Variants in ROBO2 observed in about 807,000 individuals in gnomAD.
The protein encoded by ROBO2 is roundabout guidance receptor 2.
A neutral mutation model predicts 160.8 loss-of-function variants in ROBO2; 53 were observed. The ratio of observed to expected loss-of-function variants is 0.33; its 90% CI spans 0.26 to 0.41. ROBO2 has a LOEUF of 0.41. Ranked by LOEUF, ROBO2 falls within the 10% of genes least tolerant of loss-of-function variation. ROBO2 has a pLI of 1.00. For synonymous variants in ROBO2, 664 were observed against 611.7 expected, an observed-to-expected ratio of 1.09 and a Z score of -1.26; for missense variants, 1,577 against 1,722.4, an observed-to-expected ratio of 0.92 and a Z score of 1.49.
chr3:77,314,691 A>T (rs146672805), intron 2 of ROBO2, among the ~76,000 whole-genome samples: 234 of 152,290 alleles, frequency 1.5e-3, no homozygotes, highest in African/African-American at 5.4e-3. Flanking sequence ...GTTAAAAAAT[A>T]TATCATCTAT....
At chr3:76,058,166 C>T (rs888213261) in intron 2 of ROBO2, among the ~76,000 whole-genome samples, 2 of 151,914 alleles carry the variant, frequency 1.3e-5, no homozygotes, top group Non-Finnish European at 2.9e-5. Context: ...AGGTTTGTTA[C>T]GTAGGTATAC....
chr3:77,322,812 A>G (rs1350305149), intron 2 of ROBO2, among the ~76,000 whole-genome samples: 14 of 130,176 alleles, frequency 1.1e-4, no homozygotes, highest in Admixed American at 6.4e-4. Context: ...ATTATATTAT[A>G]CATATGTATT....
intron 2 of ROBO2, among the ~76,000 whole-genome samples, chr3:76,734,946 T>C (rs2093685967): frequency 6.6e-6 from 1 of 152,170 alleles, no homozygotes; most frequent in Non-Finnish European, 1.5e-5. Flanking sequence ...GTAATGCAAA[T>C]AAAAATTCCT....
intron 2 of ROBO2, among the ~76,000 whole-genome samples, chr3:76,980,670 T>C (rs1361849276): frequency 1.3e-5 from 2 of 151,954 alleles, no homozygotes; most frequent in South Asian, 2.1e-4. Flanking sequence ...CTTTTCTTGC[T>C]TTTTTTTGGT....
chr3:77,275,394 A>T (rs1195489395), intron 2 of ROBO2, among the ~76,000 whole-genome samples: 1 of 152,204 alleles, frequency 6.6e-6, no homozygotes, highest in Non-Finnish European at 1.5e-5. Context: ...ATCCCTGATA[A>T]ACTTGAGTGT....
chr3:75,952,896 T>G (rs1948599791), intron 2 of ROBO2, among the ~76,000 whole-genome samples: 1 of 151,972 alleles, frequency 6.6e-6, no homozygotes, highest in Admixed American at 6.6e-5. Flanking sequence ...TCACATGGTA[T>G]GTAGACTTTT....
intron 2 of ROBO2, among the ~76,000 whole-genome samples, chr3:76,811,080 A>G (rs1343022803): frequency 6.6e-6 from 1 of 152,188 alleles, no homozygotes; most frequent in African/African-American, 2.4e-5. Flanking sequence ...TAATAAGCAG[A>G]CATCAATTTT....
At chr3:77,170,219 C>T (rs1328038456) in intron 2 of ROBO2, among the ~76,000 whole-genome samples, 8 of 152,064 alleles carry the variant, frequency 5.3e-5, no homozygotes, top group African/African-American at 1.9e-4. Flanking sequence ...TAAATCATTA[C>T]CAGTATGGCC....
chr3:77,470,225 C>T (rs1385842844), intron 2 of ROBO2, among the ~76,000 whole-genome samples: 1 of 151,936 alleles, frequency 6.6e-6, no homozygotes, highest in Non-Finnish European at 1.5e-5. Flanking sequence ...ATCTTAAGAG[C>T]CATTAAAAAG....
chr3:75,911,576 G>A (rs1394761120), intron 1 of ROBO2, among the ~76,000 whole-genome samples: 1 of 7,352 alleles, frequency 1.4e-4, no homozygotes, highest in Non-Finnish European at 3.2e-4. Context: ...TTTTTTTTTT[G>A]AGACGGAGTT....
chr3:76,617,223 C>G (rs1047878831), intron 2 of ROBO2, among the ~76,000 whole-genome samples: 47 of 152,052 alleles, frequency 3.1e-4, no homozygotes, highest in Non-Finnish European at 4.4e-5. Flanking sequence ...AAGGGCCCAT[C>G]CTTTCTTTAA....
intron 2 of ROBO2, among the ~76,000 whole-genome samples, chr3:76,581,934 AC>A (rs1393750183): frequency 6.6e-6 from 1 of 152,202 alleles, no homozygotes; most frequent in Non-Finnish European, 1.5e-5. Flanking sequence ...TAAAATTATT[AC>A]AGTAATTGAA....
chr3:76,519,563 T>G (rs935534714), intron 2 of ROBO2, among the ~76,000 whole-genome samples: 1 of 152,118 alleles, frequency 6.6e-6, no homozygotes, highest in African/African-American at 2.4e-5. Context: ...GCTTGACATC[T>G]CTAAGAAAAT....
chr3:77,217,433 A>AT (rs1266877851), intron 2 of ROBO2, among the ~76,000 whole-genome samples: 1 of 152,092 alleles, frequency 6.6e-6, no homozygotes, highest in Non-Finnish European at 1.5e-5. Context: ...ATGGGCCACC[A>AT]TGCCTGGCCG....
intron 2 of ROBO2, among the ~76,000 whole-genome samples, chr3:77,252,114 G>C (rs867010224): frequency 6.6e-6 from 1 of 152,130 alleles, no homozygotes; most frequent in South Asian, 2.1e-4. Context: ...TATTTCCTCA[G>C]CCAGATATCC....
intron 1 of ROBO2, among the ~76,000 whole-genome samples, chr3:77,050,389 G>A (rs1235987111): frequency 6.6e-6 from 1 of 152,106 alleles, no homozygotes; most frequent in Admixed American, 6.5e-5. Flanking sequence ...AACGCCAATT[G>A]TTTTAGTGCT....
At chr3:75,938,621 T>C (rs1179713249) in intron 2 of ROBO2, among the ~76,000 whole-genome samples, 1 of 152,156 alleles carries the variant, frequency 6.6e-6, no homozygotes, top group Admixed American at 6.6e-5. Context: ...AGTTGAGCTT[T>C]GCTAGTTTGA....
At chr3:77,501,380 T>A (rs2087584056) in intron 5 of ROBO2, among the ~76,000 whole-genome samples, 1 of 152,208 alleles carries the variant, frequency 6.6e-6, no homozygotes, top group South Asian at 2.1e-4. Flanking sequence ...GTGGTTAGAA[T>A]CATGCAAATA....
chr3:76,756,496 A>G (rs898181272), intron 2 of ROBO2, among the ~76,000 whole-genome samples: 4 of 151,878 alleles, frequency 2.6e-5, no homozygotes, highest in African/African-American at 4.8e-5. Context: ...CAAATGACCA[A>G]TGAAAATACA....
Sources: allele counts gnomAD v4.1 joint callset (sites outside exome capture counted in the v4.1 genomes callset), GRCh38; gene constraint gnomAD v4.1.1; transcripts MANE v1.5; gene names NCBI Gene and HGNC (gene_info 2026-07-23, HGNC 2026-07-21).